The following CRYM variants were observed in gnomAD, a reference collection of about 807,000 sequenced individuals.
The protein encoded by CRYM is crystallin mu, also known as ketimine reductase mu-crystallin.
A neutral mutation model predicts 32.9 loss-of-function variants in CRYM; 18 were observed. That is an observed-to-expected ratio of 0.55 (90% CI 0.38 to 0.81). CRYM has a LOEUF of 0.81. CRYM is among the 30% of genes least tolerant of loss of function. The pLI is 0.00. For missense variants in CRYM, 337 were observed against 393.5 expected (o/e 0.86, Z 1.21); for synonymous variants, 153 against 152.4 (o/e 1.00, Z -0.03).
intron 1 of CRYM, among the ~76,000 whole-genome samples, chr16:21,294,270 G>T (rs758224640): frequency 1.3e-5 from 2 of 152,210 alleles, no homozygotes; most frequent in Non-Finnish European, 2.9e-5. Flanking sequence ...GTAGTCTGCA[G>T]TCCCAGTTTT....
upstream of CRYM, among the ~76,000 whole-genome samples, chr16:21,282,210 T>C (rs1301565956): frequency 6.6e-6 from 1 of 152,184 alleles, no homozygotes; most frequent in Non-Finnish European, 1.5e-5. Flanking sequence ...ATGTGACTTG[T>C]TCCTCCTTGC....
intron 3 of CRYM, among the ~76,000 whole-genome samples, chr16:21,275,289 G>A (rs950460611): frequency 6.6e-6 from 1 of 152,182 alleles, no homozygotes; most frequent in Non-Finnish European, 1.5e-5. Context: ...TTCTCATTTC[G>A]ATTCTTCAAG....
chr16:21,282,363 G>A (rs7193265), upstream of CRYM, among the ~76,000 whole-genome samples: 7,326 of 152,082 alleles, frequency 0.048, 544 homozygotes, highest in East Asian at 0.34. Flanking sequence ...CCCAGCATAG[G>A]ATCCCACCTT....
At chr16:21,294,255 C>A (rs1960735097) in intron 1 of CRYM, among the ~76,000 whole-genome samples, 1 of 152,216 alleles carries the variant, frequency 6.6e-6, no homozygotes, top group Non-Finnish European at 1.5e-5. Context: ...GGTCTTGAAG[C>A]AGGAGTAGTC....
chr16:21,281,149 T>C (rs575097230), upstream of CRYM, among the ~76,000 whole-genome samples: 437 of 147,144 alleles, frequency 3.0e-3, 6 homozygotes, highest in Admixed American at 6.6e-3. Flanking sequence ...TATATATATA[T>C]ACACAAACAT....
intron 3 of CRYM, among the ~76,000 whole-genome samples, chr16:21,273,151 G>A (rs577733953): frequency 1.4e-4 from 21 of 152,080 alleles, no homozygotes; most frequent in Non-Finnish European, 2.8e-4. Context: ...CTATCACCTT[G>A]AGAAAACATA....
intron 1 of CRYM, among the ~76,000 whole-genome samples, chr16:21,292,369 G>A (rs762746537): frequency 9.9e-5 from 15 of 152,216 alleles, no homozygotes; most frequent in Non-Finnish European, 1.9e-4. Context: ...TAAAAAAGAT[G>A]TGCAGTACCT....
In CRYM at chr16:21,278,173, G is replaced by A; in HGVS notation, c.79C>T (p.Leu27=). 6.4e-7 allele frequency: 1 copy of A among 1,552,514 alleles called. No homozygotes were observed. The highest frequency in any genetic ancestry group is 8.7e-7 in the Non-Finnish European group (1 of 1,148,470). Reference sequence around the variant, plus strand: ...GAGAAGTTGGCCAGGGCCGTCTCTAGAGGCGGGATGAGGAGGCTGGAGCTG... The same window carrying A: ...GAGAAGTTGGCCAGGGCCGTCTCTAAAGGCGGGATGAGGAGGCTGGAGCTG... ...LRSSSLLIPP[L]ETALANFSSG... is the part of the protein sequence containing the mutation. The change falls in exon 1 of 8, where the codon CTA becomes TTA. Residue 27 remains leucine (L), a synonymous_variant. Coordinates refer to ENST00000572914, the MANE Select transcript of CRYM (RefSeq NM_001376256.1).
At chr16:21,299,972 G>A (rs535194720) in intron 1 of CRYM, 1 of 152,284 alleles carries the variant, frequency 6.6e-6, no homozygotes, top group African/African-American at 2.4e-5. Flanking sequence ...CAAGGACTGG[G>A]GAAAGGTGAT....
At chr16:21,262,665 T>C (rs1342685507) in intron 5 of CRYM, among the ~76,000 whole-genome samples, 1 of 152,022 alleles carries the variant, frequency 6.6e-6, no homozygotes, top group Non-Finnish European at 1.5e-5. Flanking sequence ...CATTTTGCCT[T>C]TCTATTCTAT....
intron 1 of CRYM, among the ~76,000 whole-genome samples, chr16:21,297,392 T>TA (rs1287603282): frequency 1.3e-5 from 2 of 151,600 alleles, no homozygotes; most frequent in African/African-American, 2.4e-5. Flanking sequence ...AAACTCCATC[T>TA]AAAAAAAAGA....
chr16:21,291,817 G>A (rs155934), intron 1 of CRYM, among the ~76,000 whole-genome samples: 91,692 of 151,838 alleles, frequency 0.6, 30,020 homozygotes, highest in African/African-American at 0.87. Flanking sequence ...CTGAATATCA[G>A]CCCTTTGTGT....
At chr16:21,293,544 T>C (rs1211815524) in intron 1 of CRYM, among the ~76,000 whole-genome samples, 1 of 152,228 alleles carries the variant, frequency 6.6e-6, no homozygotes. Context: ...CTTGAAAATG[T>C]GCAAAGCTAT....
intron 1 of CRYM, among the ~76,000 whole-genome samples, chr16:21,287,600 C>T (rs1157690434): frequency 1.3e-5 from 2 of 152,170 alleles, no homozygotes; most frequent in Non-Finnish European, 2.9e-5. Context: ...GGGAAGGAGA[C>T]AGGAGATTGA....
chr16:21,277,133 T>A lies in CRYM; in HGVS notation c.324+298A>T, dbSNP rs975806323. Reference sequence around the variant, plus strand: ...GGCTAATGGGTTCATTCAAGCTGCGTATTTGGGGCAACTGAGTATAGGACA... The same window carrying A: ...GGCTAATGGGTTCATTCAAGCTGCGAATTTGGGGCAACTGAGTATAGGACA... On this transcript the variant is annotated intron_variant, in intron 2 of 7. Transcript: ENST00000572914. The surrounding 1 kb of genome is among the most constrained non-coding windows in gnomAD (Gnocchi z 4.2). 6.6e-6 allele frequency among the ~76,000 whole-genome samples: 1 copy of A among 152,194 alleles called. No individual in the cohort carries two copies. The highest frequency in any genetic ancestry group is 1.5e-5 in the Non-Finnish European group (1 of 68,022).
chr16:21,292,393 T>A (rs1360788606), intron 1 of CRYM, among the ~76,000 whole-genome samples: 1 of 152,078 alleles, frequency 6.6e-6, no homozygotes, highest in African/African-American at 2.4e-5. Flanking sequence ...CACTGAAGAC[T>A]GAAAACATTG....
chr16:21,287,341 TATAACAGAA>T (rs1243051630), intron 1 of CRYM, among the ~76,000 whole-genome samples: 8 of 152,202 alleles, frequency 5.3e-5, no homozygotes, highest in Non-Finnish European at 1.0e-4. Context: ...GAAGGTATGA[TATAACAGAA>T]ATATGTATTT....
chr16:21,278,332 C>T, upstream of CRYM: 1 of 1,510,554 alleles, frequency 6.6e-7, no homozygotes, highest in African/African-American at 1.4e-5. Context: ...AGCGCGCCCG[C>T]TGCTCTGTGG....
Position 21,277,106 on chromosome 16 carries a change from T to C in CRYM, c.324+325A>G, listed in dbSNP as rs1168107678. Among the ~76,000 whole-genome samples the C allele has an allele frequency of 6.6e-6, 1 of 152,196 alleles. No homozygotes were observed. Among genetic ancestry groups the C allele is most frequent in the Non-Finnish European group, 1.5e-5 (1 of 68,034 alleles). ...AAGGATTCAGTAAGTAAGTCTTCCCTTGGCTAATGGGTTCATTCAAGCTGC... is the reference window on the plus strand; with the variant it reads ...AAGGATTCAGTAAGTAAGTCTTCCCCTGGCTAATGGGTTCATTCAAGCTGC... On this transcript the variant is annotated intron_variant, in intron 2 of 7. Transcript: ENST00000572914. The surrounding 1 kb of genome is among the most constrained non-coding windows in gnomAD (Gnocchi z 4.2).
Sources: gnomAD v4.1 joint callset for allele counts (sites outside exome capture counted in the v4.1 genomes callset) on GRCh38, gnomAD v4.1.1 for gene constraint, Gnocchi (gnomAD v3.1) non-coding constraint, MANE v1.5 for transcripts, NCBI Gene and HGNC (gene_info 2026-07-23, HGNC 2026-07-21) for gene names.